Variants in EFCAB8 observed in about 807,000 individuals in gnomAD.
EFCAB8 encodes EF-hand calcium-binding domain-containing protein 8.
In EFCAB8, 100 loss-of-function variants were observed where a neutral mutation model predicts 116.3. The observed-to-expected ratio is 0.86, with a 90% confidence interval of 0.73 to 1.02. EFCAB8 has a LOEUF of 1.02. EFCAB8 is among the 50% of genes least tolerant of loss of function. EFCAB8 has a pLI of 0.00. For missense variants in EFCAB8, 1,320 were observed against 1,416.9 expected, an observed-to-expected ratio of 0.93 and a Z score of 1.10; for synonymous variants, 558 against 567.9, an observed-to-expected ratio of 0.98 and a Z score of 0.25.
chr20:32,927,706 A>G (rs952757423), intron 20 of EFCAB8, among the ~76,000 whole-genome samples: 1 of 152,088 alleles, frequency 6.6e-6, no homozygotes, highest in African/African-American at 2.4e-5. Context: ...AGGTGATTTT[A>G]ATTTCCTTTC....
At chr20:32,881,046 T>A (rs1269817564) in intron 5 of EFCAB8, among the ~76,000 whole-genome samples, 1 of 152,190 alleles carries the variant, frequency 6.6e-6, no homozygotes, top group Non-Finnish European at 1.5e-5. Flanking sequence ...ATCCCATCCA[T>A]CATAGTATAT....
rs149408469 is a variant in EFCAB8, at chr20:32,872,949, G to A, written c.209-2977G>A. On this transcript the variant is annotated intron_variant, in intron 3 of 26. Transcript: ENST00000400522. ...TCTACTAAAAATACAAAAATTAGCC[G>A]AGTGTGATGGTGGGCGCCTGTAATC... is the stretch of plus-strand genomic sequence containing the variant. Among the ~76,000 whole-genome samples, 1,121 of 151,780 alleles carry A rather than the reference G, an allele frequency of 7.4e-3. 23 individuals are homozygous for A. The highest frequency in any genetic ancestry group is 0.026 in the African/African-American group (1,061 of 41,278).
intron 26 of EFCAB8, 51 bp from the exon 27 acceptor site, chr20:32,961,085 C>G (rs1989133862): frequency 6.8e-7 from 1 of 1,480,296 alleles, no homozygotes. Context: ...TCCTGGGTGT[C>G]CCCGGCTCCA....
At chr20:32,880,647 CTG>C (rs947336420) in intron 5 of EFCAB8, among the ~76,000 whole-genome samples, 1 of 152,184 alleles carries the variant, frequency 6.6e-6, no homozygotes, top group African/African-American at 2.4e-5. Flanking sequence ...GATTTCATAA[CTG>C]TATTTTTTAA....
At chr20:32,955,255 C>A (rs1287559513) in intron 23 of EFCAB8, among the ~76,000 whole-genome samples, 1 of 152,150 alleles carries the variant, frequency 6.6e-6, no homozygotes, top group Non-Finnish European at 1.5e-5. Context: ...AACAAGTGAT[C>A]CCTGCTGGGC....
intron 17 of EFCAB8, among the ~76,000 whole-genome samples, chr20:32,914,171 A>G (rs1156645421): frequency 6.6e-6 from 1 of 152,224 alleles, no homozygotes; most frequent in Non-Finnish European, 1.5e-5. Context: ...ATGCTGTACC[A>G]TGGTCCACAG....
Position 32,889,404 on chromosome 20 carries a change from T to C in EFCAB8, c.671T>C (p.Ile224Thr). The C allele has an allele frequency of 1.9e-6, 3 of 1,551,736 alleles. No individual in the cohort carries two copies. Among genetic ancestry groups the C allele is most frequent in the Non-Finnish European group, 2.6e-6 (3 of 1,146,940 alleles). ...GCAGTTGCGTCTACCAGGCAAAAGA[T>C]AGGTGAGTCCCTGGGGGCTTCCCAG... is the stretch of plus-strand genomic sequence containing the variant. The part of the protein sequence containing the change: ...LVAVASTRQK[I>T]DFFDISDHKC... Residue 224 changes from isoleucine to threonine, a missense_variant and splice_region_variant, in exon 7 of 27, where the codon ATA (isoleucine) becomes ACA (threonine). Ile to Thr is a moderately conservative substitution (Grantham distance 89, BLOSUM62 -1). Coordinates refer to ENST00000400522, the MANE Select transcript of EFCAB8 (RefSeq NM_001143967.2).
rs115118845 is a variant in EFCAB8, at chr20:32,930,787, C to T, written c.2631+171C>T. On this transcript the variant is annotated intron_variant, in intron 21 of 26. Coordinates refer to ENST00000400522, the MANE Select transcript of EFCAB8 (RefSeq NM_001143967.2). ...GCTCTGCTAAGCCCAGTGACAGGAG[C>T]GGGTCTTGGTTCAAAAAGCCCCTCT... 3.0e-3 allele frequency among the ~76,000 whole-genome samples: 461 copies of T among 152,276 alleles called. 1 individual carries two copies. Among genetic ancestry groups the T allele is most frequent in the African/African-American group, 0.01 (436 of 41,540 alleles).
intron 16 of EFCAB8, 29 bp from the exon 17 acceptor site, chr20:32,912,765 C>A (rs1340090540): frequency 1.4e-6 from 1 of 718,168 alleles, no homozygotes; most frequent in East Asian, 2.7e-5. Context: ...GATAAGTTTT[C>A]TAGTTCTGTT....
intron 7 of EFCAB8, among the ~76,000 whole-genome samples, chr20:32,889,830 C>T (rs1032163913): frequency 3.9e-5 from 6 of 151,940 alleles, no homozygotes; most frequent in African/African-American, 1.5e-4. Context: ...GGTGAAACCC[C>T]GCCTCTACTA....
chr20:32,889,251 T>C lies in EFCAB8; in HGVS notation c.568-50T>C, dbSNP rs1166820837. On this transcript the variant is annotated intron_variant, in intron 6 of 26. Transcript: ENST00000400522. ...AGGAGAGGTTCATGGGGAGCTGCAC[T>C]GGCCTGAGTATGCGTCCCAGCCCAT... 3.3e-6 allele frequency: 5 copies of C among 1,512,654 alleles called. No homozygotes were observed. In the East Asian group the frequency reaches 9.8e-5, roughly 30 times the overall value. The allele number at this position is 1,512,654 out of a possible 1,614,324, so 93.7% of individuals were successfully genotyped here. A position where few individuals can be genotyped will look rare whatever the true frequency, so the allele number is the denominator to read the frequency against.
At chr20:32,892,806 G>A (rs1055095913) in intron 8 of EFCAB8, among the ~76,000 whole-genome samples, 15 of 152,054 alleles carry the variant, frequency 9.9e-5, no homozygotes, top group Admixed American at 8.5e-4. Context: ...GGGGGGCCAG[G>A]GAGGGAGTGG....
At chr20:32,935,107 C>T (rs1988051066) in intron 22 of EFCAB8, among the ~76,000 whole-genome samples, 2 of 150,808 alleles carry the variant, frequency 1.3e-5, no homozygotes, top group African/African-American at 2.4e-5. Flanking sequence ...ACCTGTTGGC[C>T]ATTTGAATGT....
rs1054378796 is a variant in EFCAB8 at position 32,957,801 on chromosome 20, C to T, written c.2960-620C>T. ...GCCCCCGAGACAAGAAAGCAGCTCC[C>T]ACTCCCAGCTCTTCTTGGAAAGACT... is the stretch of plus-strand genomic sequence containing the variant. On this transcript the variant is annotated intron_variant, in intron 23 of 26. Transcript: ENST00000400522. Among the ~76,000 whole-genome samples the T allele has an allele frequency of 4.3e-4, 66 of 151,942 alleles. 1 individual carries two copies. The highest frequency in any genetic ancestry group is 4.3e-3 in the Admixed American group (66 of 15,254).
At chr20:32,936,278 C>A (rs138825272) in intron 22 of EFCAB8, among the ~76,000 whole-genome samples, 1,891 of 152,078 alleles carry the variant, frequency 0.012, 30 homozygotes, top group African/African-American at 0.043. Context: ...AGGCAATCCG[C>A]CTGACTCAGC....
chr20:32,861,328 G>A (rs1024766714), intron 1 of EFCAB8, among the ~76,000 whole-genome samples: 2 of 152,070 alleles, frequency 1.3e-5, no homozygotes, highest in Admixed American at 6.6e-5. Flanking sequence ...CGTTCTTGTT[G>A]CCCAGGCTGG....
chr20:32,931,208 A>T lies in EFCAB8; in HGVS notation c.2662A>T (p.Ile888Phe). ...GGACATCAAGGATTACTGCGCATTGATTGATAAACAGCCATTCCAATCCAG... is the reference window on the plus strand; with the variant it reads ...GGACATCAAGGATTACTGCGCATTGTTTGATAAACAGCCATTCCAATCCAG... ...IWDIKDYCAL[I>F]DKQPFQSSGA... Residue 888 changes from isoleucine to phenylalanine, a missense_variant, in exon 22 of 27, where the codon ATT becomes TTT. Coordinates refer to ENST00000400522, the MANE Select transcript of EFCAB8 (RefSeq NM_001143967.2). 2 of 1,550,038 alleles carry T rather than the reference A, an allele frequency of 1.3e-6. No individual in the cohort carries two copies. The highest frequency in any genetic ancestry group is 1.4e-5 in the African/African-American group (1 of 73,108).
chr20:32,943,830 A>C (rs1404575225), intron 23 of EFCAB8, 26 bp downstream of exon 23: 1 of 416,724 alleles, frequency 2.4e-6, no homozygotes, highest in African/African-American at 2.0e-5. Context: ...AAGCTCAGCC[A>C]TGCCCATGGC....
rs374101436 is a variant in EFCAB8, at chr20:32,860,631, C to T, written c.-11+1625C>T. On this transcript the variant is annotated intron_variant, in intron 1 of 26. Transcript: ENST00000400522. ...AAGCGATTCTCGTGCCTCAGTCTCC[C>T]GAGTAGCTGGGATTACAGACGTCAG... Among the ~76,000 whole-genome samples, 21 of 151,106 alleles carry T rather than the reference C, an allele frequency of 1.4e-4. No homozygotes were observed. The East Asian group carries it at 3.7e-3, about 27-fold the overall frequency.
Sources: gnomAD v4.1 joint callset for allele counts (sites outside exome capture counted in the v4.1 genomes callset) on GRCh38, gnomAD v4.1.1 for gene constraint, MANE v1.5 for transcripts, NCBI Gene and HGNC (gene_info 2026-07-23, HGNC 2026-07-21) for gene names.